Variants in EDEM1 observed in about 807,000 individuals in gnomAD.
EDEM1 encodes ER degradation-enhancing alpha-mannosidase-like protein 1.
In EDEM1, 67 loss-of-function variants were observed where a neutral mutation model predicts 74.4. The ratio of observed to expected loss-of-function variants is 0.90; its 90% CI spans 0.74 to 1.10. The LOEUF (loss-of-function observed/expected upper bound fraction) is 1.10. EDEM1 is among the 50% of genes least tolerant of loss of function. The pLI, the probability that EDEM1 is intolerant of heterozygous loss-of-function variation, is 0.00. For synonymous variants in EDEM1, 382 were observed against 335.9 expected (o/e 1.14, Z -1.50); for missense variants, 926 against 851.6 (o/e 1.09, Z -1.09).
At position 5,208,192 on chromosome 3, in the gene EDEM1, C is replaced by T; in HGVS notation, c.1438C>T (p.Leu480=). ...CCTCCCTGAGAGATATAACTGGCAGCTGCAGGCCCCTGACGTTCTCTTCTA... is the reference window on the plus strand; with the variant it reads ...CCTCCCTGAGAGATATAACTGGCAGTTGCAGGCCCCTGACGTTCTCTTCTA... ...GALPERYNWQ[L]QAPDVLFYPL... The change falls in exon 8 of 12, where the codon CTG becomes TTG. Residue 480 remains leucine (L), a synonymous_variant. Transcript: ENST00000256497. 1.2e-6 allele frequency: 2 copies of T among 1,613,882 alleles called. No individual in the cohort carries two copies. The highest frequency in any genetic ancestry group is 1.7e-6 in the Non-Finnish European group (2 of 1,179,950).
intron 9 of EDEM1, among the ~76,000 whole-genome samples, chr3:5,210,581 CTGTAGTCAG>C (rs1256903980): frequency 2.0e-5 from 3 of 152,096 alleles, no homozygotes; most frequent in Non-Finnish European, 4.4e-5. Flanking sequence ...ACAGAGAAAA[CTGTAGTCAG>C]TATTGAAATG....
In EDEM1 at chr3:5,215,939, A is replaced by G; in HGVS notation, c.*21A>G. 6.2e-7 allele frequency: 1 copy of G among 1,602,546 alleles called. No individual in the cohort carries two copies. Among genetic ancestry groups the G allele is most frequent in the Non-Finnish European group, 8.5e-7 (1 of 1,172,934 alleles). On this transcript the variant is annotated 3_prime_UTR_variant, in exon 12 of 12. Coordinates refer to ENST00000256497, the MANE Select transcript of EDEM1 (RefSeq NM_014674.3). ...TTTGATCTGCTCTCTGTGAGGCCTC[A>G]TCTTGAACCAGACCTTAACGACCAA... is the stretch of plus-strand genomic sequence containing the variant.
At chr3:5,213,903 C>A (rs1018912225) in intron 11 of EDEM1, among the ~76,000 whole-genome samples, 10 of 152,306 alleles carry the variant, frequency 6.6e-5, no homozygotes, top group Admixed American at 2.6e-4. Flanking sequence ...GCTGGAGCAT[C>A]TTCTTGGCTG....
rs2055290027 is a variant in EDEM1 at position 5,219,693 on chromosome 3, T to C, written c.*3775T>C. On this transcript the variant is annotated 3_prime_UTR_variant, in exon 12 of 12. Transcript: ENST00000256497. ...ATTTATTTTGCATAAGAAAGGTAAA[T>C]CTTTTTACAAAAAAAAGTATAGAGT... is the stretch of plus-strand genomic sequence containing the variant. 2 of 152,624 alleles carry C rather than the reference T, an allele frequency of 1.3e-5. No homozygotes were observed. 9.5% of individuals were successfully genotyped at this position (152,624 alleles called of 1,614,324 possible). A position where few individuals can be genotyped will look rare whatever the true frequency, so the allele number is the denominator to read the frequency against.
At chr3:5,196,461 G>GACACACAC (rs34441448) in intron 2 of EDEM1, among the ~76,000 whole-genome samples, 57 of 148,778 alleles carry the variant, frequency 3.8e-4, no homozygotes, top group African/African-American at 1.2e-3. Context: ...CATCTCTGGA[G>GACACACAC]ACACACACAC....
At chr3:5,206,969 T>C (rs190417525) in intron 6 of EDEM1, among the ~76,000 whole-genome samples, 184 bp from the exon 7 acceptor site, 75 of 152,374 alleles carry the variant, frequency 4.9e-4, no homozygotes, top group African/African-American at 1.5e-3. Flanking sequence ...TGGAAAATAT[T>C]ATCTTCTGCT....
intron 1 of EDEM1, among the ~76,000 whole-genome samples, chr3:5,188,997 G>A (rs935992439): frequency 6.6e-6 from 1 of 152,126 alleles, no homozygotes; most frequent in Non-Finnish European, 1.5e-5. Flanking sequence ...CGCCCTGTAC[G>A]ATCTGTCTAT....
At chr3:5,211,947 A>C (rs530100161) in intron 10 of EDEM1, among the ~76,000 whole-genome samples, 3 of 152,218 alleles carry the variant, frequency 2.0e-5, no homozygotes, top group African/African-American at 7.2e-5. Context: ...GGCCACATAG[A>C]AACAGAGGGC....
At chr3:5,209,413 T>A (rs932336305) in intron 8 of EDEM1, among the ~76,000 whole-genome samples, 1 of 152,192 alleles carries the variant, frequency 6.6e-6, no homozygotes, top group Non-Finnish European at 1.5e-5. Flanking sequence ...CTGTCACTGC[T>A]TCTTTCATGT....
chr3:5,219,658 C>A lies in EDEM1; in HGVS notation c.*3740C>A, dbSNP rs2055289433. 6.6e-6 allele frequency: 1 copy of A among 152,572 alleles called. No homozygotes were observed. Among genetic ancestry groups the A allele is most frequent in the Non-Finnish European group, 1.5e-5 (1 of 68,018 alleles). 9.5% of individuals were successfully genotyped at this position (152,572 alleles called of 1,614,324 possible). The stretch of plus-strand genomic sequence containing the variant: ...TTAGTTTTAAATAGCAAAACACAAG[C>A]TGCATTTTTATTTATTTTGCATAAG... On this transcript the variant is annotated 3_prime_UTR_variant, in exon 12 of 12. Coordinates refer to ENST00000256497, the MANE Select transcript of EDEM1 (RefSeq NM_014674.3).
intron 8 of EDEM1, among the ~76,000 whole-genome samples, chr3:5,209,052 C>T (rs2055135779): frequency 6.6e-6 from 1 of 152,022 alleles, no homozygotes; most frequent in African/African-American, 2.4e-5. Context: ...GCAAGCAGGG[C>T]CTGAGTTTTA....
chr3:5,213,507 C>G lies in EDEM1; in HGVS notation c.1869C>G (p.Ile623Met), dbSNP rs751638636. The change falls in exon 11 of 12, where the codon ATC (isoleucine) becomes ATG (methionine). Residue 623 changes from isoleucine to methionine, a missense_variant. Physicochemically the swap from Ile to Met is conservative, Grantham distance 10 (BLOSUM62 1). Coordinates refer to ENST00000256497, the MANE Select transcript of EDEM1 (RefSeq NM_014674.3). ...CGAAACCTCATGAGTTAAAAGTCATCAACTCCAGCTCCAACGTGAGTTGCT... is the reference window on the plus strand; with the variant it reads ...CGAAACCTCATGAGTTAAAAGTCATGAACTCCAGCTCCAACGTGAGTTGCT... The part of the protein sequence containing the change: ...HRPKPHELKV[I>M]NSSSNCNRVP... 5.0e-6 allele frequency: 8 copies of G among 1,610,286 alleles called. No individual in the cohort carries two copies. The East Asian group carries it at 1.1e-4, about 22-fold the overall frequency.
chr3:5,192,764 C>T (rs1287285574), intron 1 of EDEM1, among the ~76,000 whole-genome samples: 1 of 152,016 alleles, frequency 6.6e-6, no homozygotes, highest in Admixed American at 6.6e-5. Context: ...CATCCTCACT[C>T]CCACTTCCCC....
chr3:5,211,057 T>A, intron 9 of EDEM1, 63 bp from the exon 10 acceptor site: 2 of 1,432,072 alleles, frequency 1.4e-6, no homozygotes. Context: ...TGTTTCTGCT[T>A]CTTAAGTGAA....
chr3:5,191,789 C>G (rs555514104), intron 1 of EDEM1, among the ~76,000 whole-genome samples: 1 of 152,246 alleles, frequency 6.6e-6, no homozygotes, highest in East Asian at 1.9e-4. Context: ...GCAGATCTGT[C>G]TAAGATAACT....
chr3:5,212,528 G>T (rs530299236), intron 10 of EDEM1, among the ~76,000 whole-genome samples: 1 of 152,252 alleles, frequency 6.6e-6, no homozygotes, highest in Non-Finnish European at 1.5e-5. Context: ...AGAGTCTGGG[G>T]AGAGGAAAAC....
chr3:5,208,043 G>T, intron 7 of EDEM1, 50 bp from the exon 8 acceptor site: 3 of 1,517,672 alleles, frequency 2.0e-6, no homozygotes, highest in Non-Finnish European at 1.8e-6. Context: ...GCCATGTCTT[G>T]TCACTCTAGG....
chr3:5,204,340 TTTA>T, intron 5 of EDEM1, among the ~76,000 whole-genome samples: 1 of 152,190 alleles, frequency 6.6e-6, no homozygotes, highest in South Asian at 2.1e-4. Context: ...TGTTGTTGTT[TTTA>T]TTATTAAAAA....
rs1048918671 is a variant in EDEM1 at position 5,219,179 on chromosome 3, G to A, written c.*3261G>A. 1 of 152,086 alleles carries A rather than the reference G, an allele frequency of 6.6e-6. No homozygotes were observed. Among genetic ancestry groups the A allele is most frequent in the Non-Finnish European group, 1.5e-5 (1 of 68,026 alleles). The allele number at this position is 152,086 out of a possible 1,614,324, so 9.4% of individuals were successfully genotyped here. On this transcript the variant is annotated 3_prime_UTR_variant, in exon 12 of 12. Transcript: ENST00000256497. ...GATTACCACCTGTAATTCCTCTTTG[G>A]ATTGTGTAGACTCAACATGAGACAT...
Sources: allele counts gnomAD v4.1 joint callset (sites outside exome capture counted in the v4.1 genomes callset), GRCh38; gene constraint gnomAD v4.1.1; transcripts MANE v1.5; gene names NCBI Gene and HGNC (gene_info 2026-07-23, HGNC 2026-07-21).